C5: variants seen among roughly 807,000 people sequenced by gnomAD.
The protein encoded by C5 is complement C5, also known as C3 and PZP-like alpha-2-macroglobulin domain-containing protein 4.
A neutral mutation model predicts 218.8 loss-of-function variants in C5; 140 were observed. The observed-to-expected ratio is 0.64, with a 90% CI of 0.56 to 0.74. C5 has a LOEUF of 0.74. Among genes scored for constraint, C5 ranks in the 30% least tolerant of loss-of-function variants. The pLI, the probability that C5 is intolerant of heterozygous loss-of-function variation, is 0.00. For synonymous variants in C5, 614 were observed against 682.3 expected, an observed-to-expected ratio of 0.90 and a Z score of 1.56; for missense variants, 1,700 against 1,969.6, an observed-to-expected ratio of 0.86 and a Z score of 2.59.
chr9:120,981,877 T>A lies in C5; in HGVS notation c.3453A>T (p.Gly1151=), dbSNP rs1564138882. ...GGCATATATCGAAAGCCTTTCTAAT[T>A]CCAATCACAGTAAAGGCTGTAAGAT... ...SLYLTAFTVI[G]IRKAFDICPL... Residue 1151 remains glycine (G), a synonymous_variant, in exon 27 of 41, where the codon GGA becomes GGT. Transcript: ENST00000223642. 1 of 1,613,926 alleles carries A rather than the reference T, an allele frequency of 6.2e-7. No homozygotes were observed. Among genetic ancestry groups the A allele is most frequent in the Admixed American group, 1.7e-5 (1 of 60,022 alleles).
chr9:121,051,820 G>T (rs896906427), upstream of C5, among the ~76,000 whole-genome samples: 5 of 152,216 alleles, frequency 3.3e-5, no homozygotes, highest in East Asian at 9.7e-4. Flanking sequence ...TTTCAAAAGG[G>T]AATCTGTGAA....
rs1378081576 is a variant in C5 at position 121,046,289 on chromosome 9, T to G, written c.160A>C (p.Ile54Leu). 1.2e-6 allele frequency: 2 copies of G among 1,607,726 alleles called. No individual in the cohort carries two copies. Among genetic ancestry groups the G allele is most frequent in the Non-Finnish European group, 1.7e-6 (2 of 1,174,436 alleles). ...TTATCAGGATAACTTTTAATAGAGA[T>G]TGTTGCATCAAATGCTTCAGTGTAT... The part of the protein sequence containing the change: ...YGYTEAFDAT[I>L]SIKSYPDKKF... The change falls in exon 2 of 41, where the codon ATC becomes CTC. Residue 54 changes from isoleucine to leucine, a missense_variant. By Grantham distance (5) the Ile-to-Leu change is conservative. Transcript: ENST00000223642.
At chr9:121,030,187 T>G (rs1291503881) in intron 7 of C5, among the ~76,000 whole-genome samples, 2 of 152,178 alleles carry the variant, frequency 1.3e-5, no homozygotes, top group African/African-American at 4.8e-5. Flanking sequence ...TTTTTGCTGT[T>G]GAATAGCCAA....
In C5 at chr9:120,994,833, T is replaced by C. The variant is rs563667708; in HGVS notation, c.2851+1407A>G. On this transcript the variant is annotated intron_variant, in intron 22 of 40. Transcript: ENST00000223642. The stretch of plus-strand genomic sequence containing the variant: ...CAGATAAAAGATTGTTCCTATCCTG[T>C]GGCCTTGATGTTCACACCTAGGATG... Among the ~76,000 whole-genome samples the C allele has an allele frequency of 4.8e-4, 73 of 151,666 alleles. No homozygotes were observed. In the South Asian group the frequency reaches 5.6e-3, roughly 12 times the overall value.
At chr9:120,968,591 A>C (rs570124490) in intron 33 of C5, among the ~76,000 whole-genome samples, 2 of 152,282 alleles carry the variant, frequency 1.3e-5, no homozygotes, top group East Asian at 3.9e-4. Flanking sequence ...GTGGTTCTCA[A>C]CCCTGGCTAC....
chr9:121,030,495 T>A lies in C5; in HGVS notation c.668-8A>T. On this transcript the variant is annotated splice_region_variant and splice_polypyrimidine_tract_variant and intron_variant, in intron 6 of 40. Transcript: ENST00000223642. ...CAGAAAAATGTGGCAAGACTGAAAA[T>A]AAAAACAAACAGGTAATATTACCAT... 1 of 1,508,588 alleles carries A rather than the reference T, an allele frequency of 6.6e-7. No homozygotes were observed. Among genetic ancestry groups the A allele is most frequent in the Non-Finnish European group, 9.0e-7 (1 of 1,108,292 alleles). The allele number at this position is 1,508,588 out of a possible 1,614,324, so 93.5% of individuals were successfully genotyped here.
At chr9:121,037,675 C>T in intron 4 of C5, among the ~76,000 whole-genome samples, 1 of 152,198 alleles carries the variant, frequency 6.6e-6, no homozygotes, top group South Asian at 2.1e-4. Flanking sequence ...CAAAATCCTT[C>T]AAGTTATTGA....
the C5 span, among the ~76,000 whole-genome samples, chr9:121,070,467 G>A: frequency 3.6e-5 from 5 of 139,952 alleles, no homozygotes; most frequent in Non-Finnish European, 7.7e-5. Flanking sequence ...TGTATATTCT[G>A]TATGTGTATA....
chr9:121,045,113 A>G (rs752321342), intron 2 of C5, among the ~76,000 whole-genome samples: 1 of 151,804 alleles, frequency 6.6e-6, no homozygotes, highest in Non-Finnish European at 1.5e-5. Flanking sequence ...TAAAAGTAAC[A>G]CTTTTAATAA....
At position 121,004,983 on chromosome 9, in the gene C5, TAA is replaced by T. The variant is rs41309886; in HGVS notation, c.2562+934_2562+935del. On this transcript the variant is annotated intron_variant, in intron 20 of 40. Transcript: ENST00000223642. ...CAGAGGGCAGAGCGAGACTCCGTCT[TAA>T]AAAAAAAAGTGTCAGAGGGATACAT... 2.8e-4 allele frequency among the ~76,000 whole-genome samples: 42 copies of T among 150,138 alleles called. 1 individual carries two copies. Among genetic ancestry groups the T allele is most frequent in the Admixed American group, 1.5e-3 (23 of 15,070 alleles).
intron 29 of C5, among the ~76,000 whole-genome samples, chr9:120,976,383 T>C (rs113209678): frequency 2.8e-4 from 43 of 152,354 alleles, no homozygotes; most frequent in African/African-American, 1.0e-3. Flanking sequence ...TAGGATATGA[T>C]ATAATTGCCA....
chr9:121,012,968 C>T (rs958391731), intron 17 of C5, among the ~76,000 whole-genome samples: 5 of 152,120 alleles, frequency 3.3e-5, no homozygotes, highest in African/African-American at 1.2e-4. Flanking sequence ...AATGTCATTA[C>T]GCAGCACACA....
At chr9:121,016,412 A>G in intron 14 of C5, 29 bp from the exon 15 acceptor site, 2 of 1,613,354 alleles carry the variant, frequency 1.2e-6, no homozygotes, top group Non-Finnish European at 1.7e-6. Context: ...TGTTGAGCAC[A>G]TTGAGATGTA....
the C5 span, among the ~76,000 whole-genome samples, chr9:121,063,449 G>A: frequency 6.6e-6 from 1 of 151,852 alleles, no homozygotes; most frequent in African/African-American, 2.4e-5. Flanking sequence ...TTTAGATGTG[G>A]TTTCTTTTAG....
intron 28 of C5, among the ~76,000 whole-genome samples, chr9:120,979,375 C>A (rs1451838071): frequency 3.3e-5 from 5 of 152,176 alleles, no homozygotes; most frequent in Non-Finnish European, 7.4e-5. Context: ...TCTTTCCCTG[C>A]TCTATTTTTC....
chr9:120,961,698 G>A (rs2046828898), intron 36 of C5, 133 bp from the exon 37 acceptor site: 1 of 704,492 alleles, frequency 1.4e-6, no homozygotes, highest in Non-Finnish European at 2.6e-6. Context: ...TAAGGCCCAG[G>A]GAGGTAAAAT....
At chr9:120,977,002 G>T in intron 28 of C5, 97 bp from the exon 29 acceptor site, 1 of 1,059,500 alleles carries the variant, frequency 9.4e-7, no homozygotes, top group Non-Finnish European at 1.4e-6. Flanking sequence ...GTTTCTAGAA[G>T]CTACTTACTT....
the C5 span, among the ~76,000 whole-genome samples, chr9:121,055,583 C>T: frequency 2.6e-5 from 4 of 152,270 alleles, no homozygotes; most frequent in South Asian, 6.2e-4. Context: ...CCGAAGCCCC[C>T]GATTCCAGGC....
At chr9:121,064,139 C>G in the C5 span, among the ~76,000 whole-genome samples, 2 of 151,634 alleles carry the variant, frequency 1.3e-5, no homozygotes, top group Non-Finnish European at 2.9e-5. Context: ...TTAAATTATT[C>G]TTTTTTCCTT....
Sources: gnomAD v4.1 joint callset for allele counts (sites outside exome capture counted in the v4.1 genomes callset) on GRCh38, gnomAD v4.1.1 for gene constraint, MANE v1.5 for transcripts, NCBI Gene and HGNC (gene_info 2026-07-23, HGNC 2026-07-21) for gene names.